Variants in DYSF observed in about 807,000 individuals in gnomAD.
The protein encoded by DYSF is dystrophy-associated fer-1-like 1.
A neutral mutation model predicts 274.9 loss-of-function variants in DYSF; 212 were observed. That is an observed-to-expected ratio of 0.77 (90% CI 0.69 to 0.86). The LOEUF (loss-of-function observed/expected upper bound fraction) is 0.86, where lower values mean the gene tolerates loss of function less well. Ranked by LOEUF, DYSF falls within the 40% of genes least tolerant of loss-of-function variation. The pLI, the probability that DYSF is intolerant of heterozygous loss-of-function variation, is 0.00. For synonymous variants in DYSF, 1,091 were observed against 1,078.7 expected (o/e 1.01, Z -0.22); for missense variants, 2,666 against 2,783.2 (o/e 0.96, Z 0.95).
rs76509802 is a variant in DYSF, at chr2:71,551,362, C to T, written c.1692+206C>T. 0.016 allele frequency among the ~76,000 whole-genome samples: 2,495 copies of T among 152,354 alleles called. 38 individuals carry two copies. Among genetic ancestry groups the T allele is most frequent in the Admixed American group, 0.022 (335 of 15,308 alleles). On this transcript the variant is annotated intron_variant, in intron 18 of 55. Coordinates refer to ENST00000410020, the MANE Select transcript of DYSF (RefSeq NM_001130987.2). ...TCCATGTTCCTCGCCTTGAAGCACCCAGGCCCCGTCTCTCTGTCTTTGTCT... is the reference window on the plus strand; with the variant it reads ...TCCATGTTCCTCGCCTTGAAGCACCTAGGCCCCGTCTCTCTGTCTTTGTCT...
At chr2:71,637,179 G>A (rs1453419549) in intron 41 of DYSF, among the ~76,000 whole-genome samples, 5 of 152,208 alleles carry the variant, frequency 3.3e-5, no homozygotes, top group African/African-American at 1.2e-4. Context: ...TGGGGCACTG[G>A]TGCCTATGTG....
chr2:71,563,002 C>T (rs2152805080), intron 23 of DYSF, among the ~76,000 whole-genome samples: 1 of 152,304 alleles, frequency 6.6e-6, no homozygotes, highest in Non-Finnish European at 1.5e-5. Flanking sequence ...GAGAGCCCTT[C>T]TCAAACTTGC....
chr2:71,485,870 G>A (rs1300815759), intron 3 of DYSF, among the ~76,000 whole-genome samples: 1 of 152,192 alleles, frequency 6.6e-6, no homozygotes, highest in Admixed American at 6.5e-5. Flanking sequence ...CTGCAGTGCA[G>A]TGGTACGTTC....
At chr2:71,565,831 G>A (rs1409944463) in intron 24 of DYSF, among the ~76,000 whole-genome samples, 1 of 152,226 alleles carries the variant, frequency 6.6e-6, no homozygotes, top group Non-Finnish European at 1.5e-5. Context: ...GGTGACACAG[G>A]TGATGGGTCT....
At chr2:71,663,965 C>G (rs2094949885) in intron 45 of DYSF, among the ~76,000 whole-genome samples, 1 of 152,196 alleles carries the variant, frequency 6.6e-6, no homozygotes, top group African/African-American at 2.4e-5. Flanking sequence ...CTGTTGTCTC[C>G]TGGTGTCGTG....
intron 28 of DYSF, 33 bp downstream of exon 28, chr2:71,570,367 C>T (rs1217883863): frequency 3.1e-6 from 5 of 1,600,332 alleles, no homozygotes; most frequent in Non-Finnish European, 4.3e-6. Flanking sequence ...CGAGCCCCAT[C>T]CCCGGCAAGC....
At chr2:71,630,538 C>A (rs2094295914) in intron 41 of DYSF, among the ~76,000 whole-genome samples, 1 of 152,176 alleles carries the variant, frequency 6.6e-6, no homozygotes, top group African/African-American at 2.4e-5. Context: ...CCTGTTGGGT[C>A]AATTTTCTCA....
chr2:71,653,723 A>G (rs2094712084), intron 42 of DYSF, among the ~76,000 whole-genome samples: 3 of 151,540 alleles, frequency 2.0e-5, no homozygotes, highest in Admixed American at 1.3e-4. Context: ...TGAAGAGTTA[A>G]TGGGTGCAGC....
chr2:71,666,577 T>C (rs1431138468), intron 47 of DYSF, among the ~76,000 whole-genome samples: 1 of 152,212 alleles, frequency 6.6e-6, no homozygotes, highest in African/African-American at 2.4e-5. Context: ...CAAGTTCATG[T>C]TGTTGGATGG....
chr2:71,555,953 C>A lies in DYSF; in HGVS notation c.2110-12C>A. 2 of 1,553,696 alleles carry A rather than the reference C, an allele frequency of 1.3e-6. No individual in the cohort carries two copies. Among genetic ancestry groups the A allele is most frequent in the East Asian group, 2.4e-5 (1 of 41,716 alleles). ...TGGTGACACACCTGACCCTTGCCTG[C>A]CCATTCCACAGGAAGCTGGCCTGGA... On this transcript the variant is annotated splice_polypyrimidine_tract_variant and intron_variant, in intron 21 of 55. Coordinates refer to ENST00000410020, the MANE Select transcript of DYSF (RefSeq NM_001130987.2).
At position 71,567,308 on chromosome 2, in the gene DYSF, A is replaced by G. The variant is rs72827555; in HGVS notation, c.2566-643A>G. Among the ~76,000 whole-genome samples, 703 of 152,352 alleles carry G rather than the reference A, an allele frequency of 4.6e-3. 1 individual carries two copies. Among genetic ancestry groups the G allele is most frequent in the Non-Finnish European group, 6.2e-3 (422 of 68,030 alleles). On this transcript the variant is annotated intron_variant, in intron 24 of 55. Transcript: ENST00000410020. ...GGGTAGGGATATTAGATGATACAGT[A>G]ACCAAAGAAATAAAATACTAAACAT...
chr2:71,461,657 G>A (rs760418675), intron 1 of DYSF, among the ~76,000 whole-genome samples: 14 of 152,214 alleles, frequency 9.2e-5, no homozygotes, highest in Non-Finnish European at 1.9e-4. Context: ...CATAGCCAGA[G>A]TGATGATGTG....
At chr2:71,560,377 C>T (rs1446019042) in intron 22 of DYSF, among the ~76,000 whole-genome samples, 2 of 85,698 alleles carry the variant, frequency 2.3e-5, no homozygotes, top group Admixed American at 2.3e-4. Flanking sequence ...GACCCGCTTG[C>T]CCCCGCTCTC....
chr2:71,562,037 C>T, intron 23 of DYSF, 93 bp downstream of exon 23: 2 of 1,511,560 alleles, frequency 1.3e-6, no homozygotes, highest in East Asian at 2.4e-5. Context: ...TGGATTATTA[C>T]CCACCCCGGT....
At chr2:71,630,483 C>G (rs982303353) in intron 41 of DYSF, among the ~76,000 whole-genome samples, 1 of 152,218 alleles carries the variant, frequency 6.6e-6, no homozygotes, top group Non-Finnish European at 1.5e-5. Flanking sequence ...AGGGAAGTTT[C>G]TACAGTTTTG....
chr2:71,618,452 G>GT (rs1558640415), intron 40 of DYSF, among the ~76,000 whole-genome samples: 3 of 3,234 alleles, frequency 9.3e-4, no homozygotes, highest in Non-Finnish European at 1.3e-3. Context: ...TGGTAGAGGT[G>GT]GGGTTGTGTG....
At position 71,574,340 on chromosome 2, in the gene DYSF, C is replaced by T. The variant is rs1264596994; in HGVS notation, c.3371C>T (p.Pro1124Leu). 6.2e-7 allele frequency: 1 copy of T among 1,614,036 alleles called. No homozygotes were observed. The highest frequency in any genetic ancestry group is 8.5e-7 in the Non-Finnish European group (1 of 1,179,916). The change falls in exon 30 of 56, where the codon CCT (proline) becomes CTT (leucine). Residue 1124 changes from proline (P) to leucine (L), a missense_variant. Pro to Leu is a moderately conservative substitution (Grantham distance 98, BLOSUM62 -3). Coordinates refer to ENST00000410020, the MANE Select transcript of DYSF (RefSeq NM_001130987.2). ...RRMEPLEKTG[P>L]AAVFALEGAL... ...ATGGAGCCACTGGAGAAGACGGGGC[C>T]TGCAGCTGTGTTTGCCCTTGAGGGG...
chr2:71,664,526 G>GTGTGCCAGCCCTGGGCTTAGCACTTACTC lies in DYSF; in HGVS notation c.5174+113_5174+114insACTCTGTGCCAGCCCTGGGCTTAGCACTT, dbSNP rs2094960550. On this transcript the variant is annotated intron_variant, in intron 46 of 55. Transcript: ENST00000410020. Reference sequence around the variant, plus strand: ...AACACACCACCACTGAGCACTTACTGTGTGCCAGCCCTGGGCTTAGCACTT... The same window carrying GTGTGCCAGCCCTGGGCTTAGCACTTACTC: ...AACACACCACCACTGAGCACTTACTGTGTGCCAGCCCTGGGCTTAGCACTTACTCTGTGCCAGCCCTGGGCTTAGCACTT... 7 of 1,536,142 alleles carry GTGTGCCAGCCCTGGGCTTAGCACTTACTC rather than the reference G, an allele frequency of 4.6e-6. 1 individual carries two copies. In the South Asian group the frequency reaches 6.9e-5, roughly 15 times the overall value.
intron 3 of DYSF, among the ~76,000 whole-genome samples, chr2:71,485,924 C>G (rs4266045): frequency 0.12 from 18,586 of 152,072 alleles, 1,285 homozygotes; most frequent in Admixed American, 0.2. Context: ...AGTGATTCTC[C>G]CATCTCGGCC....
Sources: gnomAD v4.1 joint callset for allele counts (sites outside exome capture counted in the v4.1 genomes callset) on GRCh38, gnomAD v4.1.1 for gene constraint, MANE v1.5 for transcripts, NCBI Gene and HGNC (gene_info 2026-07-23, HGNC 2026-07-21) for gene names.